Variants in SCUBE1 observed in about 807,000 individuals in gnomAD.
The protein encoded by SCUBE1 is signal peptide, CUB domain and EGF like domain containing 1, also known as signal peptide, CUB and EGF-like domain-containing protein 1.
In SCUBE1, 59 loss-of-function variants were observed where a neutral mutation model predicts 124.4. That is an observed-to-expected ratio of 0.47 (90% CI 0.38 to 0.59). The LOEUF is 0.59. SCUBE1 is among the 20% of genes least tolerant of loss of function. The probability of loss-of-function intolerance (pLI) is 0.00; values close to 1 mark genes in which losing one functional copy is unlikely to be tolerated. For missense variants in SCUBE1, 1,150 were observed against 1,371.2 expected (o/e 0.84, Z 2.55); for synonymous variants, 545 against 550.9 (o/e 0.99, Z 0.15).
At chr22:43,263,798 A>G (rs974382675) in intron 4 of SCUBE1, among the ~76,000 whole-genome samples, 9 of 152,218 alleles carry the variant, frequency 5.9e-5, no homozygotes, top group Non-Finnish European at 8.8e-5. Flanking sequence ...TTTGCGACTC[A>G]TATTTCCTCA....
intron 3 of SCUBE1, among the ~76,000 whole-genome samples, chr22:43,302,887 G>T (rs985944503): frequency 6.6e-6 from 1 of 152,234 alleles, no homozygotes; most frequent in Non-Finnish European, 1.5e-5. Context: ...GCGCCTCTGC[G>T]CCTACCCAGG....
chr22:43,211,088 C>A lies in SCUBE1; in HGVS notation c.2222-5G>T, dbSNP rs745784816. The A allele has an allele frequency of 2.5e-6, 4 of 1,605,778 alleles. No individual in the cohort carries two copies. In the African/African-American group the frequency reaches 4.0e-5, roughly 16 times the overall value. On this transcript the variant is annotated splice_polypyrimidine_tract_variant and splice_region_variant and intron_variant, in intron 17 of 21. Transcript: ENST00000360835. The surrounding 1 kb of genome is among the most constrained non-coding windows in gnomAD (Gnocchi z 4.5). ...GGTGGCCGGGGGAGCAGTGCACTGC[C>A]GGGGGACACAAGGCAGTGTGGTGGG...
chr22:43,304,513 G>T (rs1292755642), intron 3 of SCUBE1, among the ~76,000 whole-genome samples: 2 of 83,660 alleles, frequency 2.4e-5, no homozygotes, highest in East Asian at 6.8e-4. Flanking sequence ...CTGAACCCAG[G>T]CAGAGAGCGT....
rs749926210 is a variant in SCUBE1, at chr22:43,258,369, A to G, written c.611-34T>C. 6.8e-7 allele frequency: 1 copy of G among 1,479,912 alleles called. No individual in the cohort carries two copies. Among genetic ancestry groups the G allele is most frequent in the Non-Finnish European group, 9.5e-7 (1 of 1,057,668 alleles). The allele number at this position is 1,479,912 out of a possible 1,614,324, so 91.7% of individuals were successfully genotyped here. ...GCCCAAAGTGTACACACGGGTGTAT[A>G]AACAGAACAACAAAAACGGTTAGTT... On this transcript the variant is annotated intron_variant, in intron 5 of 21. Transcript: ENST00000360835. The surrounding 1 kb of genome is among the most constrained non-coding windows in gnomAD (Gnocchi z 5.0).
intron 2 of SCUBE1, among the ~76,000 whole-genome samples, chr22:43,335,766 G>A (rs1247509374): frequency 1.3e-5 from 2 of 149,178 alleles, no homozygotes; most frequent in East Asian, 2.0e-4. Flanking sequence ...GATGATGATG[G>A]TGATGATGAT....
rs1223192657 is a variant in SCUBE1 at position 43,234,608 on chromosome 22, C to T, written c.845-2733G>A. The stretch of plus-strand genomic sequence containing the variant: ...GGGAAGCCCCCTCCTCACACTACCT[C>T]AGGATATAGTGAAGGGGGTGCTGGG... On this transcript the variant is annotated intron_variant, in intron 7 of 21. Coordinates refer to ENST00000360835, the MANE Select transcript of SCUBE1 (RefSeq NM_173050.5). The surrounding 1 kb of genome is among the most constrained non-coding windows in gnomAD (Gnocchi z 4.4). Among the ~76,000 whole-genome samples the T allele has an allele frequency of 1.3e-5, 2 of 152,216 alleles. No homozygotes were observed. The highest frequency in any genetic ancestry group is 2.9e-5 in the Non-Finnish European group (2 of 68,032).
chr22:43,342,840 C>T (rs1198924819), intron 1 of SCUBE1, among the ~76,000 whole-genome samples: 1 of 151,480 alleles, frequency 6.6e-6, no homozygotes, highest in East Asian at 2.0e-4. Context: ...GAGGAGCGCC[C>T]CTCTGCGCTC....
At chr22:43,301,116 T>C (rs1428300965) in intron 3 of SCUBE1, among the ~76,000 whole-genome samples, 3 of 152,176 alleles carry the variant, frequency 2.0e-5, no homozygotes, top group Admixed American at 2.0e-4. Flanking sequence ...CTCCCCACAT[T>C]GAAGCCCTTA....
intron 5 of SCUBE1, among the ~76,000 whole-genome samples, chr22:43,260,530 T>C (rs1012791547): frequency 6.6e-6 from 1 of 152,236 alleles, no homozygotes. Context: ...GCTTGAGATC[T>C]GGAATTTCCT....
At chr22:43,286,452 C>A (rs1045938458) in intron 4 of SCUBE1, among the ~76,000 whole-genome samples, 1 of 152,254 alleles carries the variant, frequency 6.6e-6, no homozygotes, top group East Asian at 1.9e-4. Context: ...CAGAGCAGAG[C>A]CCTGCAGGAC....
chr22:43,223,725 C>T lies in SCUBE1; in HGVS notation c.1208-509G>A, dbSNP rs76011669. 7.3e-3 allele frequency among the ~76,000 whole-genome samples: 1,110 copies of T among 152,326 alleles called. 21 individuals carry two copies. Among genetic ancestry groups the T allele is most frequent in the African/African-American group, 0.025 (1,042 of 41,570 alleles). On this transcript the variant is annotated intron_variant, in intron 10 of 21. Transcript: ENST00000360835. ...CCCCGGACTCCTAGGAAAAGACGGA[C>T]GGTTCTACAGCCATGGTAAATACCA...
At chr22:43,268,643 C>T (rs762036219) in intron 4 of SCUBE1, among the ~76,000 whole-genome samples, 3 of 152,254 alleles carry the variant, frequency 2.0e-5, no homozygotes, top group Non-Finnish European at 4.4e-5. Flanking sequence ...CACCCCTGAA[C>T]CTCGGTTTCC....
At chr22:43,281,532 TCCCTCAGTCACCCTCCTGTCAC>T (rs1569011011) in intron 4 of SCUBE1, among the ~76,000 whole-genome samples, 20 of 53,902 alleles carry the variant, frequency 3.7e-4, no homozygotes, top group African/African-American at 1.7e-3. Flanking sequence ...TCCTGTCACC[TCCCTCAGTCACCCTCCTGTCAC>T]CTCCCCCTCA....
At chr22:43,248,312 C>T (rs1291727756) in intron 6 of SCUBE1, among the ~76,000 whole-genome samples, 3 of 152,312 alleles carry the variant, frequency 2.0e-5, no homozygotes, top group Middle Eastern at 3.4e-3. Context: ...CACAAGGTGG[C>T]CTGGGTGGGC....
At chr22:43,312,053 G>A (rs565037233) in intron 3 of SCUBE1, among the ~76,000 whole-genome samples, 30 of 152,188 alleles carry the variant, frequency 2.0e-4, no homozygotes, top group Non-Finnish European at 3.8e-4. Flanking sequence ...GGCAGGGAGG[G>A]AGCAGGCATT....
rs577844455 is a variant in SCUBE1 at position 43,203,958 on chromosome 22, G to A, written c.*39C>T. ...ACTGTGGAGGGCAGGTGCACCCTCC[G>A]CGGACCAGGCCACCCCCAGGCAGGG... On this transcript the variant is annotated 3_prime_UTR_variant, in exon 22 of 22. Coordinates refer to ENST00000360835, the MANE Select transcript of SCUBE1 (RefSeq NM_173050.5). 13 of 1,609,492 alleles carry A rather than the reference G, an allele frequency of 8.1e-6. No individual in the cohort carries two copies. The highest frequency in any genetic ancestry group is 3.3e-5 in the Admixed American group (2 of 59,896).
At chr22:43,302,374 A>G (rs528385532) in intron 3 of SCUBE1, among the ~76,000 whole-genome samples, 45 of 152,320 alleles carry the variant, frequency 3.0e-4, no homozygotes, top group Non-Finnish European at 5.3e-4. Flanking sequence ...AAGTGAGTGG[A>G]GAGGGAAGCG....
Position 43,229,062 on chromosome 22 carries a change from G to C in SCUBE1, c.1084+10C>G, listed in dbSNP as rs1922444847. ...GGGGGGGAGGTGGCCCTGGCGGGCA[G>C]GCTGCAGACCTCCGCAGTGGGTTGT... On this transcript the variant is annotated intron_variant, in intron 9 of 21. Coordinates refer to ENST00000360835, the MANE Select transcript of SCUBE1 (RefSeq NM_173050.5). 1 of 1,601,164 alleles carries C rather than the reference G, an allele frequency of 6.2e-7. No individual in the cohort carries two copies. Among genetic ancestry groups the C allele is most frequent in the Admixed American group, 1.7e-5 (1 of 59,596 alleles).
In SCUBE1 at chr22:43,203,264, T is replaced by G. The variant is rs1246035867; in HGVS notation, c.*733A>C. 6.6e-6 allele frequency: 1 copy of G among 152,016 alleles called. No individual in the cohort carries two copies. Among genetic ancestry groups the G allele is most frequent in the Non-Finnish European group, 1.5e-5 (1 of 68,016 alleles). The allele number at this position is 152,016 out of a possible 1,614,324, so 9.4% of individuals were successfully genotyped here. A position where few individuals can be genotyped will look rare whatever the true frequency, so the allele number is the denominator to read the frequency against. Reference sequence around the variant, plus strand: ...TTAATCGTTCAGGGAGGCTGATAGCTGCTGGGACTCACTGGGCTCATGCGG... The same window carrying G: ...TTAATCGTTCAGGGAGGCTGATAGCGGCTGGGACTCACTGGGCTCATGCGG... On this transcript the variant is annotated 3_prime_UTR_variant, in exon 22 of 22. Coordinates refer to ENST00000360835, the MANE Select transcript of SCUBE1 (RefSeq NM_173050.5).
Sources: allele counts gnomAD v4.1 joint callset (sites outside exome capture counted in the v4.1 genomes callset), GRCh38; gene constraint gnomAD v4.1.1; non-coding constraint Gnocchi (gnomAD v3.1); transcripts MANE v1.5; gene names NCBI Gene and HGNC (gene_info 2026-07-23, HGNC 2026-07-21).